Variants in FOXP2 observed in about 807,000 individuals in gnomAD.
FOXP2 encodes forkhead box protein P2.
Under a neutral mutation model 115.8 loss-of-function variants are expected in FOXP2, and 12 were observed. The ratio of observed to expected loss-of-function variants is 0.10; its 90% CI spans 0.07 to 0.17. The LOEUF is 0.17. FOXP2 is among the 10% of genes least tolerant of loss of function. FOXP2 has a pLI of 1.00. For synonymous variants in FOXP2, 328 were observed against 297.7 expected (o/e 1.10, Z -1.05); for missense variants, 629 against 843.5 (o/e 0.75, Z 3.15).
intron 2 of FOXP2, among the ~76,000 whole-genome samples, chr7:114,299,524 G>A (rs1247580237): frequency 6.6e-6 from 1 of 151,486 alleles, no homozygotes; most frequent in African/African-American, 2.4e-5. Context: ...ATTAAATAAT[G>A]TTAAGTAACT....
chr7:114,638,681 CA>C (rs914911263), intron 6 of FOXP2, among the ~76,000 whole-genome samples: 8 of 152,232 alleles, frequency 5.3e-5, no homozygotes, highest in African/African-American at 1.7e-4. Flanking sequence ...TTTGGAGCTT[CA>C]AAAACTACTA....
intron 3 of FOXP2, among the ~76,000 whole-genome samples, chr7:114,593,431 A>G (rs1033262890): frequency 2.0e-5 from 3 of 151,944 alleles, no homozygotes; most frequent in African/African-American, 7.2e-5. Flanking sequence ...TGTCCATTCT[A>G]TGTGTGGGCA....
chr7:114,522,201 C>A (rs941193080), intron 2 of FOXP2, among the ~76,000 whole-genome samples: 3 of 152,038 alleles, frequency 2.0e-5, no homozygotes, highest in Admixed American at 6.6e-5. Context: ...GCTTCTTGTG[C>A]TAATGCAAAA....
At chr7:114,099,020 A>G (rs1799713074) in intron 1 of FOXP2, among the ~76,000 whole-genome samples, 1 of 152,144 alleles carries the variant, frequency 6.6e-6, no homozygotes, top group Admixed American at 6.5e-5. Flanking sequence ...CTGTGATCCC[A>G]GCTACTCAGG....
chr7:114,547,695 G>A (rs1034863886), intron 3 of FOXP2, among the ~76,000 whole-genome samples: 1 of 151,998 alleles, frequency 6.6e-6, no homozygotes, highest in Non-Finnish European at 1.5e-5. Context: ...GGAGGCGGAG[G>A]TTGCAGTGAG....
At chr7:114,652,335 G>C (rs753919466) in intron 9 of FOXP2, 45 bp downstream of exon 9, 4 of 1,560,356 alleles carry the variant, frequency 2.6e-6, no homozygotes, top group East Asian at 4.5e-5. Flanking sequence ...GATTTCTGGT[G>C]TGTTACATTG....
chr7:114,417,809 T>G (rs182929230), intron 1 of FOXP2, among the ~76,000 whole-genome samples: 1 of 152,062 alleles, frequency 6.6e-6, no homozygotes, highest in Admixed American at 6.6e-5. Flanking sequence ...TTGGTAATGA[T>G]CATTCTTTAG....
At chr7:114,380,500 G>A (rs1448033988) in intron 2 of FOXP2, among the ~76,000 whole-genome samples, 1 of 152,112 alleles carries the variant, frequency 6.6e-6, no homozygotes, top group Non-Finnish European at 1.5e-5. Flanking sequence ...TTGAGGTCGG[G>A]ATCAGTCAAG....
intron 3 of FOXP2, among the ~76,000 whole-genome samples, chr7:114,557,787 CTTTATTTATTTATTTA>C (rs59243864): frequency 0.016 from 2,416 of 148,202 alleles, 60 homozygotes; most frequent in African/African-American, 0.054. Context: ...ACTGAACTGA[CTTTATTTATTTATTTA>C]TTTATTTATT....
At chr7:114,467,774 T>C (rs1025725145) in intron 2 of FOXP2, among the ~76,000 whole-genome samples, 1 of 152,196 alleles carries the variant, frequency 6.6e-6, no homozygotes, top group Non-Finnish European at 1.5e-5. Flanking sequence ...ATTATTAATA[T>C]TGTCATTTTT....
chr7:114,530,007 A>G (rs1799063147), intron 2 of FOXP2, among the ~76,000 whole-genome samples: 1 of 151,924 alleles, frequency 6.6e-6, no homozygotes. Context: ...TGAAGACACA[A>G]TGTGTTAAAG....
At chr7:114,174,581 G>A (rs1038998199) in intron 1 of FOXP2, among the ~76,000 whole-genome samples, 7 of 151,916 alleles carry the variant, frequency 4.6e-5, no homozygotes, top group Non-Finnish European at 8.8e-5. Flanking sequence ...CTTGATTAGT[G>A]TTCAGAAAAA....
intron 1 of FOXP2, among the ~76,000 whole-genome samples, chr7:114,195,417 A>G (rs879643500): frequency 6.6e-6 from 1 of 152,204 alleles, no homozygotes; most frequent in African/African-American, 2.4e-5. Flanking sequence ...CAAATATAGC[A>G]TTCTCAGCAT....
intron 1 of FOXP2, among the ~76,000 whole-genome samples, chr7:114,217,606 AG>A (rs1362062791): frequency 6.6e-5 from 10 of 152,322 alleles, no homozygotes; most frequent in Admixed American, 6.5e-4. Flanking sequence ...TTGATATGTC[AG>A]ATATTTTATG....
intron 2 of FOXP2, among the ~76,000 whole-genome samples, chr7:114,345,384 A>G (rs1791322317): frequency 6.6e-6 from 1 of 151,776 alleles, no homozygotes; most frequent in Admixed American, 6.6e-5. Flanking sequence ...GTCTGAAGTT[A>G]TTTACTGTTA....
intron 1 of FOXP2, among the ~76,000 whole-genome samples, chr7:114,200,391 G>A (rs961208256): frequency 2.6e-5 from 4 of 152,146 alleles, no homozygotes; most frequent in Non-Finnish European, 5.9e-5. Flanking sequence ...TCTGAACCCT[G>A]CATCATATTC....
intron 2 of FOXP2, among the ~76,000 whole-genome samples, chr7:114,331,750 T>G (rs1268021431): frequency 3.3e-5 from 5 of 151,742 alleles, no homozygotes; most frequent in Non-Finnish European, 7.4e-5. Context: ...TTACTGCAGC[T>G]TCTGCCTCCC....
chr7:114,623,827 T>C (rs1177312374), intron 3 of FOXP2, among the ~76,000 whole-genome samples: 4 of 151,878 alleles, frequency 2.6e-5, no homozygotes, highest in Admixed American at 2.0e-4. Flanking sequence ...TCTGTGTCTG[T>C]TATTGCACTG....
In FOXP2 at chr7:114,652,401, A is replaced by G. The variant is rs974037460; in HGVS notation, c.1182+111A>G. The G allele has an allele frequency of 2.0e-5, 17 of 853,652 alleles. No homozygotes were observed. The East Asian group carries it at 2.1e-4, about 11-fold the overall frequency. The allele number at this position is 853,652 out of a possible 1,614,324, so 52.9% of individuals were successfully genotyped here. ...TGCATTTTACTGTCTTAGCCATTCA[A>G]TACTAATGGAGATACATGATATTTT... On this transcript the variant is annotated intron_variant, in intron 9 of 16. Transcript: ENST00000350908.
Sources: gnomAD v4.1 joint callset for allele counts (sites outside exome capture counted in the v4.1 genomes callset) on GRCh38, gnomAD v4.1.1 for gene constraint, MANE v1.5 for transcripts, NCBI Gene and HGNC (gene_info 2026-07-23, HGNC 2026-07-21) for gene names.